Variants in OGG1 observed in about 807,000 individuals in gnomAD.
OGG1 encodes N-glycosylase/DNA lyase.
Under a neutral mutation model 42.3 loss-of-function variants are expected in OGG1, and 35 were observed. The observed-to-expected ratio is 0.83, with a 90% CI of 0.63 to 1.10. OGG1 has a LOEUF of 1.10. Ranked by LOEUF, OGG1 falls within the 50% of genes least tolerant of loss-of-function variation. OGG1 has a pLI of 0.00. For synonymous variants in OGG1, 189 were observed against 179.0 expected (o/e 1.06, Z -0.44); for missense variants, 484 against 446.7 (o/e 1.08, Z -0.75).
chr3:9,788,467 A>G (rs575927762), downstream of OGG1, among the ~76,000 whole-genome samples: 16 of 150,652 alleles, frequency 1.1e-4, no homozygotes, highest in East Asian at 2.6e-3. Flanking sequence ...GGATGGTCTC[A>G]ATCTCCTGAC....
At position 9,751,853 on chromosome 3, in the gene OGG1, G is replaced by A; in HGVS notation, c.469G>A (p.Gly157Ser). 1 of 1,614,106 alleles carries A rather than the reference G, an allele frequency of 6.2e-7. No individual in the cohort carries two copies. The highest frequency in any genetic ancestry group is 2.2e-5 in the East Asian group (1 of 44,888). The change falls in exon 3 of 7, where the codon GGC (glycine) becomes AGC (serine). Residue 157 changes from glycine to serine, a missense_variant. Physicochemically the swap from Gly to Ser is moderately conservative, Grantham distance 56. Coordinates refer to ENST00000344629, the MANE Select transcript of OGG1 (RefSeq NM_002542.6). Reference protein sequence around the residue: ...SSNNNIARITGMVERLCQAFG... With the variant: ...SSNNNIARITSMVERLCQAFG... ...CAACAACAACATCGCCCGCATCACT[G>A]GCATGGTGGAGCGGCTGTGCCAGGC...
rs1349880277 is a variant in OGG1, at chr3:9,751,169, A to G, written c.362A>G (p.Gln121Arg). 2 of 1,614,098 alleles carry G rather than the reference A, an allele frequency of 1.2e-6. No homozygotes were observed. Among genetic ancestry groups the G allele is most frequent in the Non-Finnish European group, 1.7e-6 (2 of 1,180,018 alleles). ...TGGGGTTCCGTGGACTCCCACTTCC[A>G]AGAGGTGGCTCAGAAATTCCAAGGT... Reference protein sequence around the residue: ...HHWGSVDSHFQEVAQKFQGVR... With the variant: ...HHWGSVDSHFREVAQKFQGVR... The change falls in exon 2 of 7, where the codon CAA (glutamine) becomes CGA (arginine). Residue 121 changes from glutamine to arginine, a missense_variant. Coordinates refer to ENST00000344629, the MANE Select transcript of OGG1 (RefSeq NM_002542.6).
intron 2 of OGG1, among the ~76,000 whole-genome samples, chr3:9,772,059 C>G (rs1343913327): frequency 2.0e-5 from 3 of 151,944 alleles, no homozygotes; most frequent in African/African-American, 7.3e-5. Flanking sequence ...CTCAGGTGAT[C>G]CACCTGCCTC....
At position 9,757,373 on chromosome 3, in the gene OGG1, A is replaced by G; in HGVS notation, c.*223A>G. ...GGTTTTATCTTCCCTTTATTACAAG[A>G]AGGAACAATAAAATAGAAACATTTG... is the stretch of plus-strand genomic sequence containing the variant. On this transcript the variant is annotated 3_prime_UTR_variant, in exon 7 of 7. Coordinates refer to ENST00000344629, the MANE Select transcript of OGG1 (RefSeq NM_002542.6). The surrounding 1 kb of genome is among the most constrained non-coding windows in gnomAD (Gnocchi z 4.5). 1 of 1,613,584 alleles carries G rather than the reference A, an allele frequency of 6.2e-7. No homozygotes were observed.
chr3:9,784,611 T>C (rs1156698562), intron 3 of OGG1, among the ~76,000 whole-genome samples: 1 of 152,108 alleles, frequency 6.6e-6, no homozygotes, highest in Non-Finnish European at 1.5e-5. Context: ...ACACCTGTAA[T>C]CCCAGCACTT....
intron 2 of OGG1, chr3:9,780,179 C>A (rs1392743260): frequency 1.0e-5 from 6 of 584,106 alleles, no homozygotes; most frequent in African/African-American, 7.5e-5. Flanking sequence ...GCAGGGCTTC[C>A]TGTGTCCTGG....
chr3:9,750,932 G>T lies in OGG1; in HGVS notation c.138-13G>T, dbSNP rs1282186772. The T allele has an allele frequency of 2.5e-6, 4 of 1,613,866 alleles. No individual in the cohort carries two copies. The highest frequency in any genetic ancestry group is 1.7e-4 in the Middle Eastern group (1 of 5,894). ...AAATTGAGTGCCAGGGTTGTCATGT[G>T]CCTTGGGCTCAGGTGGAGGGAGCAA... On this transcript the variant is annotated splice_polypyrimidine_tract_variant and intron_variant, in intron 1 of 6. Transcript: ENST00000344629.
intron 7 of OGG1, chr3:9,763,276 T>G (rs2077977841): frequency 1.9e-6 from 3 of 1,603,070 alleles, no homozygotes; most frequent in Non-Finnish European, 1.7e-6. Flanking sequence ...TCCAAGCTAC[T>G]TGGGAACTTG....
intron 2 of OGG1, among the ~76,000 whole-genome samples, chr3:9,776,231 G>A (rs1005140632): frequency 1.3e-5 from 2 of 151,928 alleles, no homozygotes; most frequent in South Asian, 4.1e-4. Flanking sequence ...ACACCTCTGT[G>A]CCTTGCTCCT....
Position 9,756,573 on chromosome 3 carries a change from A to G in OGG1, c.850A>G (p.Thr284Ala), listed in dbSNP as rs765402539. ...IAQRDYSWHP[T>A]TSQAKGPSPQ... ...CCAACGTGACTACAGCTGGCACCCT[A>G]CCACGTCCCAGGCGAAGGGACCGAG... The change falls in exon 5 of 7, where the codon ACC becomes GCC. Residue 284 changes from threonine (T) to alanine (A), a missense_variant. Coordinates refer to ENST00000344629, the MANE Select transcript of OGG1 (RefSeq NM_002542.6). The G allele has an allele frequency of 6.8e-6, 11 of 1,614,188 alleles. No homozygotes were observed.
chr3:9,770,206 T>G (rs2078271676), downstream of OGG1, among the ~76,000 whole-genome samples: 1 of 152,008 alleles, frequency 6.6e-6, no homozygotes, highest in Non-Finnish European at 1.5e-5. Context: ...AATCAGCGGG[T>G]GGTCGGAAGC....
At chr3:9,774,422 AAAAAAAC>A (rs2078339432) in intron 2 of OGG1, among the ~76,000 whole-genome samples, 2 of 151,322 alleles carry the variant, frequency 1.3e-5, no homozygotes, top group Non-Finnish European at 2.9e-5. Context: ...AAAAAAAAAA[AAAAAAAC>A]AAAACTTTAA....
chr3:9,759,846 CAAGACA>C (rs766869392), downstream of OGG1: 8 of 1,605,244 alleles, frequency 5.0e-6, no homozygotes, highest in Admixed American at 1.2e-4. Flanking sequence ...GGCCTGGCAT[CAAGACA>C]AAGAGGCCAA....
At chr3:9,762,368 A>AT (rs891183119), downstream of OGG1, 26 of 152,778 alleles carry the variant, frequency 1.7e-4, no homozygotes, top group African/African-American at 2.7e-4. Context: ...TTTTTATTTT[A>AT]TTTTTTTTGA....
At chr3:9,789,498 A>G, downstream of OGG1, 1 of 1,612,006 alleles carries the variant, frequency 6.2e-7, no homozygotes, top group Non-Finnish European at 8.5e-7. Context: ...ATCAAGGCCC[A>G]GAGTTTCTAC....
At chr3:9,767,784 G>A (rs1338001923), downstream of OGG1, 1 of 1,612,688 alleles carries the variant, frequency 6.2e-7, no homozygotes, top group Non-Finnish European at 8.5e-7. Context: ...CAGGGCTCCT[G>A]TAAGGAGAAT....
In OGG1 at chr3:9,775,222, G is replaced by A. The variant is rs1033274091; in HGVS notation, c.295-6291G>A. Among the ~76,000 whole-genome samples the A allele has an allele frequency of 7.9e-5, 12 of 151,898 alleles. No individual in the cohort carries two copies. In the East Asian group the frequency reaches 2.1e-3, roughly 27 times the overall value. On this transcript the variant is annotated intron_variant, in intron 2 of 3. Coordinates refer to the OGG1 transcript ENST00000426518. ...CCACTGCACTCCAGCCTGGGCAACA[G>A]AGCAAGACCCTGTCTCAAAAAAAAA... is the stretch of plus-strand genomic sequence containing the variant.
Position 9,750,932 on chromosome 3 carries a change from G to A in OGG1, c.138-13G>A. On this transcript the variant is annotated splice_polypyrimidine_tract_variant and intron_variant, in intron 1 of 6. Coordinates refer to ENST00000344629, the MANE Select transcript of OGG1 (RefSeq NM_002542.6). ...AAATTGAGTGCCAGGGTTGTCATGT[G>A]CCTTGGGCTCAGGTGGAGGGAGCAA... 1 of 1,613,866 alleles carries A rather than the reference G, an allele frequency of 6.2e-7. No homozygotes were observed. Among genetic ancestry groups the A allele is most frequent in the South Asian group, 1.1e-5 (1 of 91,028 alleles).
chr3:9,790,346 A>C (rs1463358572), downstream of OGG1, among the ~76,000 whole-genome samples: 2 of 152,214 alleles, frequency 1.3e-5, no homozygotes, highest in African/African-American at 4.8e-5. Flanking sequence ...AACTTGAGTC[A>C]TAGCCTTCCT....
Sources: allele counts gnomAD v4.1 joint callset (sites outside exome capture counted in the v4.1 genomes callset), GRCh38; gene constraint gnomAD v4.1.1; non-coding constraint Gnocchi (gnomAD v3.1); transcripts MANE v1.5; gene names NCBI Gene and HGNC (gene_info 2026-07-23, HGNC 2026-07-21).